Variants in STT3B observed in about 807,000 individuals in gnomAD.
STT3B encodes STT3 oligosaccharyltransferase complex catalytic subunit B.
STT3B carries 29 observed loss-of-function variants against 96.8 expected under a neutral mutation model. The ratio of observed to expected loss-of-function variants is 0.30; its 90% confidence interval spans 0.22 to 0.41. STT3B has a LOEUF of 0.41. STT3B is among the 10% of genes least tolerant of loss of function. The pLI is 1.00. For missense variants in STT3B, 640 were observed against 1,022.3 expected, an observed-to-expected ratio of 0.63 and a Z score of 5.10; for synonymous variants, 367 against 360.0, an observed-to-expected ratio of 1.02 and a Z score of -0.22.
intron 5 of STT3B, among the ~76,000 whole-genome samples, chr3:31,612,199 A>G (rs563497995): frequency 6.6e-6 from 1 of 152,338 alleles, no homozygotes; most frequent in South Asian, 2.1e-4. Context: ...TTCTAGTCCC[A>G]AGCATTTTAG....
chr3:31,544,944 G>C (rs147177150), intron 1 of STT3B, among the ~76,000 whole-genome samples: 17 of 135,930 alleles, frequency 1.3e-4, no homozygotes, highest in South Asian at 2.4e-4. Context: ...CTCAGGGAGC[G>C]GGGGGGGAAC....
intron 1 of STT3B, among the ~76,000 whole-genome samples, chr3:31,571,743 AT>A (rs1698142349): frequency 6.6e-6 from 1 of 151,994 alleles, no homozygotes; most frequent in Non-Finnish European, 1.5e-5. Context: ...GGAGCCATGT[AT>A]TAGGCTCAGA....
chr3:31,606,830 C>T (rs971257525), intron 5 of STT3B, among the ~76,000 whole-genome samples: 4 of 152,140 alleles, frequency 2.6e-5, no homozygotes, highest in African/African-American at 9.7e-5. Flanking sequence ...GCACCATGCG[C>T]CTAGAAAAGC....
chr3:31,632,278 G>T (rs916449243), intron 14 of STT3B, among the ~76,000 whole-genome samples: 3 of 152,162 alleles, frequency 2.0e-5, no homozygotes, highest in South Asian at 2.1e-4. Flanking sequence ...TCAGAATGTA[G>T]TATCTCTTAC....
At chr3:31,535,158 A>C (rs1447456273) in intron 1 of STT3B, among the ~76,000 whole-genome samples, 1 of 152,132 alleles carries the variant, frequency 6.6e-6, no homozygotes, top group East Asian at 1.9e-4. Flanking sequence ...CTGGGGCTGA[A>C]ATTAAAGATT....
chr3:31,592,739 T>C (rs1453247827), intron 3 of STT3B, among the ~76,000 whole-genome samples: 1 of 152,204 alleles, frequency 6.6e-6, no homozygotes, highest in Non-Finnish European at 1.5e-5. Context: ...CTACACCTTC[T>C]CCAGGGTATT....
intron 1 of STT3B, among the ~76,000 whole-genome samples, chr3:31,571,112 A>G (rs1698125696): frequency 6.6e-6 from 1 of 152,140 alleles, no homozygotes; most frequent in Admixed American, 6.6e-5. Flanking sequence ...TCAACTAGGA[A>G]GAAAAAAATT....
chr3:31,612,062 A>G (rs573465163), intron 5 of STT3B, among the ~76,000 whole-genome samples: 1 of 152,312 alleles, frequency 6.6e-6, no homozygotes, highest in East Asian at 1.9e-4. Flanking sequence ...TTGAAAATTC[A>G]AAACTTTCTG....
chr3:31,594,059 C>T lies in STT3B; in HGVS notation c.712-2739C>T, dbSNP rs72856030. Reference sequence around the variant, plus strand: ...GCAATTTTCTATTTCAAAGCCTCTGCTACTGGACTCCTTAATATGTGTAAA... The same window carrying T: ...GCAATTTTCTATTTCAAAGCCTCTGTTACTGGACTCCTTAATATGTGTAAA... On this transcript the variant is annotated intron_variant, in intron 3 of 15. Coordinates refer to ENST00000295770, the MANE Select transcript of STT3B (RefSeq NM_178862.3). Among the ~76,000 whole-genome samples, 410 of 152,280 alleles carry T rather than the reference C, an allele frequency of 2.7e-3. 2 individuals carry two copies. The highest frequency in any genetic ancestry group is 9.7e-3 in the African/African-American group (402 of 41,556).
intron 2 of STT3B, among the ~76,000 whole-genome samples, chr3:31,579,477 T>TGAAA (rs1193527668): frequency 1.5e-5 from 1 of 67,446 alleles, no homozygotes; most frequent in Non-Finnish European, 2.7e-5. Context: ...CCTGTTTTGA[T>TGAAA]AAAAAAAAAA....
At chr3:31,543,774 A>G (rs1332324374) in intron 1 of STT3B, among the ~76,000 whole-genome samples, 1 of 152,238 alleles carries the variant, frequency 6.6e-6, no homozygotes, top group Non-Finnish European at 1.5e-5. Context: ...GAATGGCTGG[A>G]TGGATAACTT....
At chr3:31,585,739 G>A (rs201739651) in intron 3 of STT3B, among the ~76,000 whole-genome samples, 1 of 151,984 alleles carries the variant, frequency 6.6e-6, no homozygotes. Context: ...GACAGTAGGC[G>A]TGACCCTGTA....
At chr3:31,635,113 G>A (rs968199284) in intron 15 of STT3B, among the ~76,000 whole-genome samples, 4 of 152,176 alleles carry the variant, frequency 2.6e-5, no homozygotes, top group Admixed American at 2.0e-4. Flanking sequence ...GTATTTAAAT[G>A]TGAAAATTGA....
At chr3:31,569,016 T>G (rs573301191) in intron 1 of STT3B, among the ~76,000 whole-genome samples, 31 of 152,252 alleles carry the variant, frequency 2.0e-4, no homozygotes, top group Non-Finnish European at 4.1e-4. Context: ...TTCTTTCTTT[T>G]TGTTTCTTTT....
At chr3:31,586,638 T>A (rs987163959) in intron 3 of STT3B, among the ~76,000 whole-genome samples, 17 of 152,174 alleles carry the variant, frequency 1.1e-4, no homozygotes, top group African/African-American at 4.1e-4. Context: ...AAAAGATTGT[T>A]CTTTCTCCAC....
At position 31,532,941 on chromosome 3, in the gene STT3B, C is replaced by G; in HGVS notation, c.-58C>G. ...CTCCTCCGGGTCCCCGCCCAGCACC[C>G]CTCGCACCAGGCGGCGGCGGCGGAG... On this transcript the variant is annotated 5_prime_UTR_variant, in exon 1 of 16. Coordinates refer to ENST00000295770, the MANE Select transcript of STT3B (RefSeq NM_178862.3). 1.9e-6 allele frequency: 3 copies of G among 1,542,508 alleles called. No homozygotes were observed. Among genetic ancestry groups the G allele is most frequent in the Non-Finnish European group, 2.6e-6 (3 of 1,147,478 alleles).
chr3:31,567,838 C>A (rs990127429), intron 1 of STT3B, among the ~76,000 whole-genome samples: 17 of 152,234 alleles, frequency 1.1e-4, no homozygotes, highest in Middle Eastern at 3.4e-3. Flanking sequence ...TTTATCATTT[C>A]TTTGTTTTAG....
At chr3:31,586,536 C>G (rs1313920982) in intron 3 of STT3B, among the ~76,000 whole-genome samples, 1 of 151,996 alleles carries the variant, frequency 6.6e-6, no homozygotes, top group African/African-American at 2.4e-5. Context: ...GTTTAACAGT[C>G]AGGTCTGTCA....
intron 1 of STT3B, among the ~76,000 whole-genome samples, chr3:31,553,118 A>T (rs1447380370): frequency 6.6e-6 from 1 of 151,780 alleles, no homozygotes; most frequent in Non-Finnish European, 1.5e-5. Context: ...AAAAAAAAAA[A>T]ACCAAATAAA....
Sources: allele counts gnomAD v4.1 joint callset (sites outside exome capture counted in the v4.1 genomes callset), GRCh38; gene constraint gnomAD v4.1.1; transcripts MANE v1.5; gene names NCBI Gene and HGNC (gene_info 2026-07-23, HGNC 2026-07-21).